The following CSNK1G3 variants were observed in gnomAD, a reference collection of about 807,000 sequenced individuals.
CSNK1G3 encodes casein kinase I isoform gamma-3.
A neutral mutation model predicts 64.3 loss-of-function variants in CSNK1G3; 23 were observed. The ratio of observed to expected loss-of-function variants is 0.36; its 90% CI spans 0.26 to 0.51. The LOEUF is 0.51. CSNK1G3 is among the 20% of genes least tolerant of loss of function. The probability of loss-of-function intolerance (pLI) is 0.96; values close to 1 mark genes in which losing one functional copy is unlikely to be tolerated. For missense variants in CSNK1G3, 357 were observed against 510.5 expected (o/e 0.70, Z 2.90); for synonymous variants, 158 against 162.2 (o/e 0.97, Z 0.20).
exon 3 of CSNK1G3, chr5:123,553,114 T>C: frequency 7.1e-7 from 1 of 1,398,832 alleles, no homozygotes; most frequent in South Asian, 1.5e-5. Flanking sequence ...AAGGGAAAAA[T>C]TTATACACAA....
intron 1 of CSNK1G3, among the ~76,000 whole-genome samples, chr5:123,536,929 A>G (rs1192428768): frequency 6.6e-6 from 1 of 152,178 alleles, no homozygotes; most frequent in East Asian, 1.9e-4. Context: ...TAAAAAGACA[A>G]AAAATCACAG....
At chr5:123,567,836 A>G (rs1787232085) in intron 4 of CSNK1G3, among the ~76,000 whole-genome samples, 1 of 152,194 alleles carries the variant, frequency 6.6e-6, no homozygotes, top group Non-Finnish European at 1.5e-5. Flanking sequence ...GCACATCTTT[A>G]TTAATCAAAA....
intron 12 of CSNK1G3, among the ~76,000 whole-genome samples, chr5:123,611,771 T>G (rs1796376997): frequency 6.6e-6 from 1 of 152,216 alleles, no homozygotes; most frequent in Admixed American, 6.5e-5. Context: ...AAACAATAAA[T>G]TTCCATTGAA....
chr5:123,536,575 A>G (rs1333772912), intron 1 of CSNK1G3, among the ~76,000 whole-genome samples: 1 of 152,058 alleles, frequency 6.6e-6, no homozygotes, highest in Non-Finnish European at 1.5e-5. Context: ...CCCAACACAA[A>G]TAAATCATAA....
At chr5:123,567,869 A>C (rs1156622105) in intron 4 of CSNK1G3, among the ~76,000 whole-genome samples, 16 of 152,180 alleles carry the variant, frequency 1.1e-4, no homozygotes, top group Non-Finnish European at 1.3e-4. Flanking sequence ...CGGTCAACAC[A>C]TTTTTGCCAA....
In CSNK1G3 at chr5:123,592,177, T is replaced by C. The variant is rs74834766; in HGVS notation, c.1086+763T>C. ...TAGCTTTTGACATGAACCTAAAGAA[T>C]GAATGGAGTTTTTAAAGGGAAATGA... On this transcript the variant is annotated intron_variant, in intron 10 of 12. Coordinates refer to ENST00000345990, the Ensembl canonical transcript of CSNK1G3. Among the ~76,000 whole-genome samples, 444 of 152,096 alleles carry C rather than the reference T, an allele frequency of 2.9e-3. 1 individual carries two copies. The highest frequency in any genetic ancestry group is 0.01 in the African/African-American group (433 of 41,534).
chr5:123,610,655 T>G (rs1321823178), intron 12 of CSNK1G3, among the ~76,000 whole-genome samples: 3 of 152,202 alleles, frequency 2.0e-5, no homozygotes, highest in African/African-American at 7.2e-5. Flanking sequence ...AAACTAAGGT[T>G]GTTTCTAAAG....
chr5:123,532,955 A>G (rs1409068657), intron 1 of CSNK1G3, among the ~76,000 whole-genome samples: 1 of 151,886 alleles, frequency 6.6e-6, no homozygotes, highest in Non-Finnish European at 1.5e-5. Context: ...ATTCTAAATA[A>G]TAAGCATACA....
intron 4 of CSNK1G3, among the ~76,000 whole-genome samples, chr5:123,568,794 C>T (rs1787474432): frequency 6.6e-6 from 1 of 152,178 alleles, no homozygotes; most frequent in Admixed American, 6.5e-5. Context: ...CATGTTGTTT[C>T]CACTGCTATA....
chr5:123,545,369 A>G (rs1264106922), intron 1 of CSNK1G3, 48 bp from the exon 2 acceptor site: 1 of 226,484 alleles, frequency 4.4e-6, no homozygotes, highest in Non-Finnish European at 8.6e-6. Flanking sequence ...TCCCAGACAT[A>G]TATTTTAAAA....
At chr5:123,512,835 G>A (rs889518471) in intron 1 of CSNK1G3, among the ~76,000 whole-genome samples, 3 of 151,952 alleles carry the variant, frequency 2.0e-5, no homozygotes, top group Non-Finnish European at 2.9e-5. Flanking sequence ...CGCGGGTGGC[G>A]GGTCGGGCTG....
chr5:123,536,661 A>G (rs1472787791), intron 1 of CSNK1G3, among the ~76,000 whole-genome samples: 1 of 152,092 alleles, frequency 6.6e-6, no homozygotes, highest in East Asian at 1.9e-4. Flanking sequence ...ATCACCATGT[A>G]CCCCATAAAT....
chr5:123,609,205 C>G (rs1054438342), intron 12 of CSNK1G3, among the ~76,000 whole-genome samples: 1 of 152,002 alleles, frequency 6.6e-6, no homozygotes, highest in South Asian at 2.1e-4. Flanking sequence ...TTTCTCAGCA[C>G]AAGAAAGGAA....
chr5:123,513,710 ACTTTTTAAAGATGTTT>A (rs1320212613), intron 1 of CSNK1G3, among the ~76,000 whole-genome samples: 1 of 152,216 alleles, frequency 6.6e-6, no homozygotes, highest in African/African-American at 2.4e-5. Flanking sequence ...AAAAGTATAT[ACTTTTTAAAGATGTTT>A]CTTTTTAAAG....
intron 1 of CSNK1G3, among the ~76,000 whole-genome samples, chr5:123,532,042 A>G (rs774740862): frequency 5.9e-5 from 9 of 151,890 alleles, no homozygotes; most frequent in Non-Finnish European, 1.2e-4. Flanking sequence ...ATCTGCAGGT[A>G]TAATACAATA....
chr5:123,566,777 A>C (rs1786967169), intron 4 of CSNK1G3, among the ~76,000 whole-genome samples: 1 of 152,186 alleles, frequency 6.6e-6, no homozygotes, highest in African/African-American at 2.4e-5. Flanking sequence ...TAGAATCTTT[A>C]AAGTAAGCAC....
intron 1 of CSNK1G3, among the ~76,000 whole-genome samples, chr5:123,540,029 A>G (rs1580998411): frequency 6.6e-6 from 1 of 151,858 alleles, no homozygotes; most frequent in African/African-American, 2.4e-5. Flanking sequence ...GTTCTTGATC[A>G]TTTTTGCTAA....
At chr5:123,555,850 G>A (rs956490800) in intron 3 of CSNK1G3, among the ~76,000 whole-genome samples, 2 of 152,038 alleles carry the variant, frequency 1.3e-5, no homozygotes, top group African/African-American at 4.8e-5. Context: ...TTGTGATTGT[G>A]TACATGGACA....
At chr5:123,563,114 A>G (rs1187433194) in intron 4 of CSNK1G3, among the ~76,000 whole-genome samples, 3 of 152,088 alleles carry the variant, frequency 2.0e-5, no homozygotes, top group African/African-American at 7.2e-5. Context: ...ATTTTTAATC[A>G]TAGGAAAAAA....
Sources: gnomAD v4.1 joint callset for allele counts (sites outside exome capture counted in the v4.1 genomes callset) on GRCh38, gnomAD v4.1.1 for gene constraint, MANE v1.5 for transcripts, NCBI Gene and HGNC (gene_info 2026-07-23, HGNC 2026-07-21) for gene names.